SCN3A: variants seen among roughly 807,000 people sequenced by gnomAD.
SCN3A encodes sodium voltage-gated channel alpha subunit 3.
In SCN3A, 60 loss-of-function variants were observed where a neutral mutation model predicts 187.6. The ratio of observed to expected loss-of-function variants is 0.32; its 90% CI spans 0.26 to 0.40. SCN3A has a LOEUF of 0.40. SCN3A is among the 10% of genes least tolerant of loss of function. The pLI is 1.00. For synonymous variants in SCN3A, 788 were observed against 829.2 expected, an observed-to-expected ratio of 0.95 and a Z score of 0.85; for missense variants, 1,601 against 2,428.2, an observed-to-expected ratio of 0.66 and a Z score of 7.16.
chr2:165,091,479 C>T (rs1313313762), intron 27 of SCN3A, 134 bp from the exon 28 acceptor site: 17 of 1,087,212 alleles, frequency 1.6e-5, no homozygotes, highest in Admixed American at 8.1e-5. Flanking sequence ...GATCCACTCC[C>T]TGACATTAGC....
intron 18 of SCN3A, among the ~76,000 whole-genome samples, chr2:165,118,476 A>G (rs1686482286): frequency 6.6e-6 from 1 of 152,216 alleles, no homozygotes; most frequent in Non-Finnish European, 1.5e-5. Flanking sequence ...AAGACGGTAG[A>G]TTAGTTTGCA....
At chr2:165,120,289 A>G (rs1686589374) in intron 18 of SCN3A, among the ~76,000 whole-genome samples, 1 of 152,036 alleles carries the variant, frequency 6.6e-6, no homozygotes, top group South Asian at 2.1e-4. Flanking sequence ...TTATTTCAAC[A>G]TAAGAAACAA....
At chr2:165,095,364 T>C (rs1685318477) in intron 25 of SCN3A, 147 bp downstream of exon 25, 1 of 785,578 alleles carries the variant, frequency 1.3e-6, no homozygotes, top group East Asian at 2.7e-5. Context: ...GAGGCTGGAA[T>C]CCCTGCAGCT....
rs929524502 is a variant in SCN3A at position 165,121,579 on chromosome 2, A to AT, written c.3394-6005dup. Among the ~76,000 whole-genome samples, 16 of 152,126 alleles carry AT rather than the reference A, an allele frequency of 1.1e-4. No individual in the cohort carries two copies. In the South Asian group the frequency reaches 1.7e-3, roughly 16 times the overall value. ...TTTTCCATTGATAATTTTATTTCTC[A>AT]TTTTTTTTGCATTCTGCAACTAATT... On this transcript the variant is annotated intron_variant, in intron 18 of 27. Transcript: ENST00000283254.
At chr2:165,190,609 T>C (rs554282988) in intron 1 of SCN3A, among the ~76,000 whole-genome samples, 1 of 147,358 alleles carries the variant, frequency 6.8e-6, no homozygotes, top group Admixed American at 6.8e-5. Context: ...ACTTTATATA[T>C]ATATATATAA....
chr2:165,120,958 A>AT (rs1411129934), intron 18 of SCN3A, among the ~76,000 whole-genome samples: 2 of 152,170 alleles, frequency 1.3e-5, no homozygotes, highest in Non-Finnish European at 2.9e-5. Flanking sequence ...ACTGAAAATA[A>AT]TTACGTTGTA....
chr2:165,090,789 A>G lies in SCN3A; in HGVS notation c.5364T>C (p.Asp1788=). Residue 1788 remains aspartate, a synonymous_variant, in exon 28 of 28, where the codon GAT becomes GAC. Transcript: ENST00000283254. The surrounding 1 kb of genome is among the most constrained non-coding windows in gnomAD (Gnocchi z 4.0). ...AAACCTCATAGAACATCTCAAAGTC[A>G]TCCTCACTCAGGGGCTCTGCACTTT... The part of the protein sequence containing the change: ...TEESAEPLSE[D]DFEMFYEVWE... 6.2e-7 allele frequency: 1 copy of G among 1,614,114 alleles called. No homozygotes were observed.
chr2:165,106,116 A>G (rs1685844838), intron 21 of SCN3A, among the ~76,000 whole-genome samples: 1 of 152,190 alleles, frequency 6.6e-6, no homozygotes, highest in Non-Finnish European at 1.5e-5. Flanking sequence ...AAGGATGAGT[A>G]AAATCTGGTG....
intron 1 of SCN3A, among the ~76,000 whole-genome samples, chr2:165,200,147 A>T (rs560151956): frequency 6.6e-6 from 1 of 152,248 alleles, no homozygotes; most frequent in South Asian, 2.1e-4. Flanking sequence ...AGCAGTTAGA[A>T]TTAAAATTAA....
chr2:165,175,405 A>G (rs1398253285), intron 3 of SCN3A, among the ~76,000 whole-genome samples: 4 of 152,200 alleles, frequency 2.6e-5, no homozygotes, highest in Admixed American at 2.6e-4. Context: ...TGATACAATT[A>G]TGCATTTATT....
intron 26 of SCN3A, 123 bp downstream of exon 26, chr2:165,094,251 G>T: frequency 2.5e-6 from 2 of 806,138 alleles, no homozygotes; most frequent in South Asian, 1.4e-5. Flanking sequence ...TGCAAAATAT[G>T]AACTTTATAA....
intron 19 of SCN3A, among the ~76,000 whole-genome samples, 161 bp from the exon 20 acceptor site, chr2:165,114,131 A>G (rs1686245292): frequency 6.6e-6 from 1 of 152,048 alleles, no homozygotes; most frequent in African/African-American, 2.4e-5. Flanking sequence ...TGTATAATGA[A>G]TTATTCTCAG....
In SCN3A at chr2:165,092,211, G is replaced by C. The variant is rs1685138718; in HGVS notation, c.4807+43C>G. The C allele has an allele frequency of 1.9e-6, 3 of 1,595,974 alleles. No homozygotes were observed. In the African/African-American group the frequency reaches 4.0e-5, roughly 21 times the overall value. On this transcript the variant is annotated intron_variant, in intron 27 of 27. Coordinates refer to ENST00000283254, the MANE Select transcript of SCN3A (RefSeq NM_006922.4). This position sits in a 1 kb window ranked among gnomAD's most constrained non-coding sequence, Gnocchi z 4.2. The stretch of plus-strand genomic sequence containing the variant: ...TCAGCTAGAAGGTCCTGGGGCAACT[G>C]TTTCTCTGTAACTATACCTCTTGGT...
In SCN3A at chr2:165,146,805, G is replaced by A. The variant is rs1346909807; in HGVS notation, c.1605C>T (p.Ser535=). The A allele has an allele frequency of 6.2e-7, 1 of 1,614,086 alleles. No individual in the cohort carries two copies. The highest frequency in any genetic ancestry group is 2.2e-5 in the East Asian group (1 of 44,870). The part of the protein sequence containing the change: ...KSESEDSVKR[S]SFLFSMDGNR... ...TTCCATCCATGGAGAAAAGGAAGCT[G>A]CTTCTTTTGACGCTGTCTTCAGATT... The change falls in exon 12 of 28, where the codon AGC becomes AGT. Residue 535 remains serine (S), a synonymous_variant. Transcript: ENST00000283254.
At chr2:165,139,443 A>T (rs767801936) in intron 14 of SCN3A, 33 bp downstream of exon 14, 1 of 1,613,518 alleles carries the variant, frequency 6.2e-7, no homozygotes, top group Non-Finnish European at 8.5e-7. Flanking sequence ...ACATAATCAC[A>T]GAAAGTTGGC....
chr2:165,156,126 T>C (rs968926220), intron 9 of SCN3A, among the ~76,000 whole-genome samples: 23 of 151,884 alleles, frequency 1.5e-4, no homozygotes, highest in African/African-American at 5.6e-4. Context: ...TTTACGGACA[T>C]TTAGAATGGC....
intron 21 of SCN3A, among the ~76,000 whole-genome samples, chr2:165,110,100 C>T (rs557806249): frequency 6.6e-6 from 1 of 152,250 alleles, no homozygotes; most frequent in South Asian, 2.1e-4. Context: ...TCCCCAAACA[C>T]GCAGTAATTT....
At chr2:165,129,561 A>C (rs950820519) in intron 17 of SCN3A, among the ~76,000 whole-genome samples, 1 of 152,228 alleles carries the variant, frequency 6.6e-6, no homozygotes, top group Admixed American at 6.5e-5. Context: ...TAGAATAGAT[A>C]GTTGTCTTTT....
At chr2:165,130,740 T>A (rs976058502) in intron 16 of SCN3A, among the ~76,000 whole-genome samples, 3 of 152,046 alleles carry the variant, frequency 2.0e-5, no homozygotes, top group African/African-American at 7.2e-5. Context: ...GGAAAAAAAT[T>A]GAAAAAATAC....
Sources: gnomAD v4.1 joint callset for allele counts (sites outside exome capture counted in the v4.1 genomes callset) on GRCh38, gnomAD v4.1.1 for gene constraint, Gnocchi (gnomAD v3.1) non-coding constraint, MANE v1.5 for transcripts, NCBI Gene and HGNC (gene_info 2026-07-23, HGNC 2026-07-21) for gene names.